Variants in FGGY observed in about 807,000 individuals in gnomAD.
FGGY encodes the protein FGGY carbohydrate kinase domain containing.
Under a neutral mutation model 71.3 loss-of-function variants are expected in FGGY, and 72 were observed. That is an observed-to-expected ratio of 1.01 (90% CI 0.84 to 1.23). The LOEUF (loss-of-function observed/expected upper bound fraction) is 1.23, where lower values mean the gene tolerates loss of function less well. Ranked by LOEUF, FGGY falls within the 50% of genes most tolerant of loss-of-function variation. FGGY has a pLI of 0.00. For missense variants in FGGY, 668 were observed against 682.3 expected (o/e 0.98, Z 0.23); for synonymous variants, 251 against 250.3 (o/e 1.00, Z -0.02).
At chr1:59,380,827 T>G (rs1199052988) in intron 5 of FGGY, among the ~76,000 whole-genome samples, 2 of 151,614 alleles carry the variant, frequency 1.3e-5, no homozygotes, top group East Asian at 1.9e-4. Flanking sequence ...TTGGCTTTTG[T>G]TGCCATTGCT....
At position 59,379,161 on chromosome 1, in the gene FGGY, A is replaced by AC. The variant is rs2059056112; in HGVS notation, c.554+324_554+325insC. 3.8e-4 allele frequency among the ~76,000 whole-genome samples: 55 copies of AC among 143,618 alleles called. No homozygotes were observed. In the South Asian group the frequency reaches 0.011, roughly 30 times the overall value. The allele number at this position is 143,618 out of a possible 152,430, so 94.2% of individuals were successfully genotyped here. A position where few individuals can be genotyped will look rare whatever the true frequency, so the allele number is the denominator to read the frequency against. On this transcript the variant is annotated intron_variant, in intron 5 of 15. Coordinates refer to ENST00000303721, the MANE Select transcript of FGGY (RefSeq NM_018291.5). Reference sequence around the variant, plus strand: ...TACATGATGAATAAAAGGAAAAAATAAACACACACACACACACACACACAC... The same window carrying AC: ...TACATGATGAATAAAAGGAAAAAATACAACACACACACACACACACACACAC...
chr1:59,433,604 C>T (rs879656713), intron 5 of FGGY, among the ~76,000 whole-genome samples: 1 of 152,146 alleles, frequency 6.6e-6, no homozygotes, highest in Non-Finnish European at 1.5e-5. Flanking sequence ...TTGCCTTAAC[C>T]AAAAATATGC....
intron 5 of FGGY, among the ~76,000 whole-genome samples, chr1:59,414,035 G>A (rs969594844): frequency 8.5e-5 from 13 of 152,212 alleles, no homozygotes; most frequent in African/African-American, 3.1e-4. Context: ...CTGCTGGAAA[G>A]TAGGAAATTA....
intron 1 of FGGY, among the ~76,000 whole-genome samples, chr1:59,298,314 G>A (rs540278665): frequency 1.3e-5 from 2 of 152,190 alleles, no homozygotes; most frequent in South Asian, 2.1e-4. Context: ...CCAGAGCACT[G>A]TTATTAAGGA....
At chr1:59,466,136 A>C (rs551353189) in intron 6 of FGGY, among the ~76,000 whole-genome samples, 1 of 152,200 alleles carries the variant, frequency 6.6e-6, no homozygotes. Context: ...AAAAGAGCAT[A>C]GTACTGCTAC....
intron 2 of FGGY, among the ~76,000 whole-genome samples, chr1:59,332,286 A>G (rs1348247070): frequency 6.6e-6 from 1 of 152,228 alleles, no homozygotes; most frequent in Non-Finnish European, 1.5e-5. Context: ...AATTCTTTAG[A>G]AGAGCAATGT....
intron 2 of FGGY, among the ~76,000 whole-genome samples, chr1:59,328,905 T>C (rs1453024809): frequency 6.6e-6 from 1 of 152,146 alleles, no homozygotes; most frequent in African/African-American, 2.4e-5. Context: ...CTTATATGGG[T>C]GCAGTTTGTG....
intron 14 of FGGY, among the ~76,000 whole-genome samples, chr1:59,702,792 C>T (rs970268025): frequency 3.9e-5 from 6 of 152,168 alleles, no homozygotes; most frequent in African/African-American, 1.4e-4. Flanking sequence ...GTTATACCTG[C>T]TGAGGAGGGA....
intron 9 of FGGY, among the ~76,000 whole-genome samples, chr1:59,624,549 G>A (rs2096839334): frequency 6.6e-6 from 1 of 152,048 alleles, no homozygotes; most frequent in African/African-American, 2.4e-5. Flanking sequence ...CTGCTGATAC[G>A]GACATACCTG....
intron 5 of FGGY, among the ~76,000 whole-genome samples, chr1:59,386,263 T>G (rs1279956198): frequency 6.6e-6 from 1 of 152,168 alleles, no homozygotes. Flanking sequence ...TTGGCTGTGA[T>G]AGTTTCTGCG....
intron 7 of FGGY, among the ~76,000 whole-genome samples, chr1:59,514,363 T>G (rs1233884909): frequency 6.6e-6 from 1 of 152,224 alleles, no homozygotes; most frequent in Non-Finnish European, 1.5e-5. Flanking sequence ...TTTCCCAGAC[T>G]TCCCTCAGGG....
At chr1:59,674,002 C>G (rs754645879) in intron 13 of FGGY, 37 bp from the exon 14 acceptor site, 24 of 1,592,928 alleles carry the variant, frequency 1.5e-5, no homozygotes, top group South Asian at 1.1e-4. Context: ...TCCCCTGGCT[C>G]TGCTCCCTAA....
Position 59,372,700 on chromosome 1 carries a change from G to A in FGGY, c.466-6049G>A, listed in dbSNP as rs565086891. 5.3e-5 allele frequency among the ~76,000 whole-genome samples: 8 copies of A among 152,248 alleles called. No homozygotes were observed. The East Asian group carries it at 1.3e-3, about 26-fold the overall frequency. ...ACTGAATCCAGCACCACATCAAAAA[G>A]CTTATCCACCATGATCAAGTGGCCG... On this transcript the variant is annotated intron_variant, in intron 4 of 15. Coordinates refer to ENST00000303721, the MANE Select transcript of FGGY (RefSeq NM_018291.5).
At position 59,667,340 on chromosome 1, in the gene FGGY, CTT is replaced by C. The variant is rs1400145398; in HGVS notation, c.1357_1358del (p.Phe453ProfsTer71). The C allele has an allele frequency of 6.2e-7, 1 of 1,614,168 alleles. No homozygotes were observed. Among genetic ancestry groups the C allele is most frequent in the Non-Finnish European group, 8.5e-7 (1 of 1,180,012 alleles). On this transcript the variant is annotated frameshift_variant, in exon 13 of 16. Transcript: ENST00000303721. LOFTEE classifies it high-confidence loss of function. Reference sequence around the variant, plus strand: ...GGCAGCAGGGCACTCAATCAGTACTCTTTTCCTATGTGGAGGCCTCAGCAAGA... The same window carrying C: ...GGCAGCAGGGCACTCAATCAGTACTCTTCCTATGTGGAGGCCTCAGCAAGA... ...MEAAGHSISTLFLCGGLSKNP... is the reference protein window; with the variant it reads ...MEAAGHSISTXFLCGGLSKNP...
At chr1:59,373,093 T>C (rs139943907) in intron 4 of FGGY, among the ~76,000 whole-genome samples, 3,139 of 152,166 alleles carry the variant, frequency 0.021, 111 homozygotes, top group African/African-American at 0.072. Context: ...GAATGGGTAT[T>C]CAATTAGGAA....
At chr1:59,720,934 T>C (rs563715475) in intron 14 of FGGY, among the ~76,000 whole-genome samples, 1 of 152,356 alleles carries the variant, frequency 6.6e-6, no homozygotes, top group South Asian at 2.1e-4. Flanking sequence ...AGGTCTGGCT[T>C]CGTTGCTCTC....
chr1:59,355,224 T>C (rs183302748), intron 4 of FGGY, among the ~76,000 whole-genome samples: 1 of 152,394 alleles, frequency 6.6e-6, no homozygotes, highest in East Asian at 1.9e-4. Context: ...ATACTGTTTT[T>C]TTTTTATTAT....
At chr1:59,591,252 A>C (rs1405440266) in intron 8 of FGGY, among the ~76,000 whole-genome samples, 1 of 152,330 alleles carries the variant, frequency 6.6e-6, no homozygotes, top group African/African-American at 2.4e-5. Flanking sequence ...GGACCTCATC[A>C]AGGAGAACTA....
intron 14 of FGGY, among the ~76,000 whole-genome samples, chr1:59,694,653 T>G (rs1390868796): frequency 6.6e-6 from 1 of 152,022 alleles, no homozygotes; most frequent in African/African-American, 2.4e-5. Context: ...AAAAAATTAG[T>G]TTGAAAACTG....
Sources: gnomAD v4.1 joint callset for allele counts (sites outside exome capture counted in the v4.1 genomes callset) on GRCh38, gnomAD v4.1.1 for gene constraint, MANE v1.5 for transcripts, NCBI Gene and HGNC (gene_info 2026-07-23, HGNC 2026-07-21) for gene names.